Variants in CRB1 observed in about 807,000 individuals in gnomAD.
CRB1 encodes protein crumbs homolog 1.
A neutral mutation model predicts 120.0 loss-of-function variants in CRB1; 83 were observed. The ratio of observed to expected loss-of-function variants is 0.69; its 90% CI spans 0.58 to 0.83. CRB1 has a LOEUF of 0.83. Ranked by LOEUF, CRB1 falls within the 40% of genes least tolerant of loss-of-function variation. CRB1 has a pLI of 0.00. For missense variants in CRB1, 1,699 were observed against 1,687.6 expected, an observed-to-expected ratio of 1.01 and a Z score of -0.12; for synonymous variants, 625 against 612.5, an observed-to-expected ratio of 1.02 and a Z score of -0.30.
At chr1:197,457,779 A>C (rs1218837218) in intron 11 of CRB1, among the ~76,000 whole-genome samples, 1 of 152,126 alleles carries the variant, frequency 6.6e-6, no homozygotes, top group Non-Finnish European at 1.5e-5. Context: ...TTTCTCCTTG[A>C]CATGTTTTTT....
chr1:197,201,851 A>G, the CRB1 span, among the ~76,000 whole-genome samples: 1 of 152,112 alleles, frequency 6.6e-6, no homozygotes, highest in African/African-American at 2.4e-5. Flanking sequence ...AAGAAAAAAA[A>G]TTTTATACCT....
At chr1:197,278,599 A>G (rs1655353555) in intron 1 of CRB1, among the ~76,000 whole-genome samples, 1 of 151,892 alleles carries the variant, frequency 6.6e-6, no homozygotes, top group Non-Finnish European at 1.5e-5. Context: ...TTTGGCTCAC[A>G]TTTCATTAAC....
intron 11 of CRB1, among the ~76,000 whole-genome samples, chr1:197,460,897 A>G (rs1191939252): frequency 6.6e-6 from 1 of 152,130 alleles, no homozygotes; most frequent in African/African-American, 2.4e-5. Context: ...TGTCCAGGGA[A>G]CTCTGGAATT....
chr1:197,244,925 C>CT, the CRB1 span, among the ~76,000 whole-genome samples: 2 of 151,868 alleles, frequency 1.3e-5, no homozygotes, highest in African/African-American at 4.8e-5. Context: ...TATATCACTG[C>CT]TTTTTTCCTC....
the CRB1 span, among the ~76,000 whole-genome samples, chr1:197,207,847 A>T: frequency 6.6e-6 from 1 of 152,022 alleles, no homozygotes; most frequent in African/African-American, 2.4e-5. Context: ...TTCCTTAGGA[A>T]CACCAGTTAT....
the CRB1 span, among the ~76,000 whole-genome samples, chr1:197,248,123 G>C: frequency 6.6e-6 from 1 of 151,878 alleles, no homozygotes; most frequent in African/African-American, 2.4e-5. Context: ...TTAAGCGACT[G>C]TTTTCCTAAA....
At chr1:197,290,273 T>TGC (rs1656094233) in intron 1 of CRB1, among the ~76,000 whole-genome samples, 1 of 149,760 alleles carries the variant, frequency 6.7e-6, no homozygotes, top group Admixed American at 6.7e-5. Context: ...TTCGTGTGTG[T>TGC]GTGTGTGTGT....
chr1:197,227,807 T>C, the CRB1 span, among the ~76,000 whole-genome samples: 1 of 152,160 alleles, frequency 6.6e-6, no homozygotes, highest in African/African-American at 2.4e-5. Flanking sequence ...GAGGTTTCCA[T>C]GAGGGCCCCG....
chr1:197,446,153 A>G (rs1215197640), intron 11 of CRB1, among the ~76,000 whole-genome samples: 1 of 151,458 alleles, frequency 6.6e-6, no homozygotes, highest in Non-Finnish European at 1.5e-5. Context: ...TCACACCATT[A>G]CACTCCAGCC....
chr1:197,274,684 A>T (rs1013481349), intron 1 of CRB1, among the ~76,000 whole-genome samples: 1 of 152,174 alleles, frequency 6.6e-6, no homozygotes, highest in African/African-American at 2.4e-5. Context: ...ATCATACAAT[A>T]TGTAGCCTTT....
At chr1:197,288,264 A>G (rs904903941) in intron 1 of CRB1, among the ~76,000 whole-genome samples, 1 of 151,856 alleles carries the variant, frequency 6.6e-6, no homozygotes, top group Admixed American at 6.6e-5. Context: ...CAGCACTCAC[A>G]GAGGGCCAAG....
chr1:197,249,358 A>G, the CRB1 span, among the ~76,000 whole-genome samples: 1 of 151,936 alleles, frequency 6.6e-6, no homozygotes, highest in East Asian at 1.9e-4. Context: ...AAGAACATGG[A>G]ATTTTCAAAT....
intron 5 of CRB1, among the ~76,000 whole-genome samples, chr1:197,416,505 G>A (rs186199728): frequency 6.6e-6 from 1 of 151,998 alleles, no homozygotes; most frequent in Non-Finnish European, 1.5e-5. Context: ...TAGTCTGAGA[G>A]TACTCTGAGA....
the CRB1 span, among the ~76,000 whole-genome samples, chr1:197,256,842 A>C: frequency 8.7e-5 from 13 of 149,022 alleles, no homozygotes; most frequent in Non-Finnish European, 1.5e-4. Context: ...AACAAAAAAA[A>C]CTTGGAGGGT....
chr1:197,366,342 A>G (rs1661075770), intron 5 of CRB1, among the ~76,000 whole-genome samples: 1 of 152,120 alleles, frequency 6.6e-6, no homozygotes, highest in Non-Finnish European at 1.5e-5. Context: ...TTAAAATAAA[A>G]TTTCCATTAT....
At chr1:197,410,661 C>G (rs1424317885) in intron 5 of CRB1, among the ~76,000 whole-genome samples, 1 of 152,188 alleles carries the variant, frequency 6.6e-6, no homozygotes, top group African/African-American at 2.4e-5. Flanking sequence ...AAAATGTCAA[C>G]TCTTATATTC....
At chr1:197,376,221 T>C (rs1661638943) in intron 5 of CRB1, among the ~76,000 whole-genome samples, 1 of 152,208 alleles carries the variant, frequency 6.6e-6, no homozygotes, top group Non-Finnish European at 1.5e-5. Flanking sequence ...CTCTTGACTT[T>C]AAATTTTAGA....
chr1:197,477,156 C>T (rs1667232513), intron 11 of CRB1, among the ~76,000 whole-genome samples: 1 of 152,180 alleles, frequency 6.6e-6, no homozygotes, highest in African/African-American at 2.4e-5. Flanking sequence ...GCGAGACCAG[C>T]GTATCACAGT....
chr1:197,309,492 C>T lies in CRB1; in HGVS notation c.71-18930C>T, dbSNP rs528201934. On this transcript the variant is annotated intron_variant, in intron 1 of 11. Coordinates refer to ENST00000367400, the MANE Select transcript of CRB1 (RefSeq NM_201253.3). ...ATTTACGGCCAGGCGCTGTGGCTCA[C>T]GCCTGTAATCCCAGCACTTTGGGAG... 1.4e-4 allele frequency among the ~76,000 whole-genome samples: 22 copies of T among 152,244 alleles called. 1 individual carries two copies. In the South Asian group the frequency reaches 3.3e-3, roughly 23 times the overall value.
Sources: allele counts gnomAD v4.1 joint callset (sites outside exome capture counted in the v4.1 genomes callset), GRCh38; gene constraint gnomAD v4.1.1; transcripts MANE v1.5; gene names NCBI Gene and HGNC (gene_info 2026-07-23, HGNC 2026-07-21).